The following DNMT3A variants were observed in gnomAD, a reference collection of about 807,000 sequenced individuals.
DNMT3A encodes the protein DNA methyltransferase 3 alpha.
A neutral mutation model predicts 117.6 loss-of-function variants in DNMT3A; 267 were observed. The observed-to-expected ratio is 2.27, with a 90% confidence interval of 2.05 to 2.51. The LOEUF (loss-of-function observed/expected upper bound fraction) is 2.51. DNMT3A is among the 30% of genes most tolerant of loss of function. DNMT3A has a pLI of 0.00. For missense variants in DNMT3A, 1,029 were observed against 1,260.2 expected (o/e 0.82, Z 2.78); for synonymous variants, 432 against 474.8 (o/e 0.91, Z 1.17).
chr2:25,267,870 A>C (rs1286339105), intron 6 of DNMT3A, among the ~76,000 whole-genome samples: 2 of 152,166 alleles, frequency 1.3e-5, no homozygotes, highest in East Asian at 3.8e-4. Flanking sequence ...GGCAGAAAAC[A>C]AGCTGGCGAG....
rs946038944 is a variant in DNMT3A, at chr2:25,294,273, C to T, written c.177+5866G>A. Reference sequence around the variant, plus strand: ...GGCTAGGCCCTTCCATGCAGCACTCCAGTAGCGGGCGTTGATTTCACCGCT... The same window carrying T: ...GGCTAGGCCCTTCCATGCAGCACTCTAGTAGCGGGCGTTGATTTCACCGCT... On this transcript the variant is annotated intron_variant, in intron 3 of 22. Transcript: ENST00000321117. The surrounding 1 kb of genome is among the most constrained non-coding windows in gnomAD (Gnocchi z 4.7). 6.6e-6 allele frequency among the ~76,000 whole-genome samples: 1 copy of T among 152,216 alleles called. No individual in the cohort carries two copies. Among genetic ancestry groups the T allele is most frequent in the African/African-American group, 2.4e-5 (1 of 41,450 alleles).
Position 25,237,097 on chromosome 2 carries a change from C to CACT in DNMT3A, c.2409-95_2409-93dup, listed in dbSNP as rs1205118172. The CACT allele has an allele frequency of 7.7e-7, 1 of 1,295,522 alleles. No homozygotes were observed. Among genetic ancestry groups the CACT allele is most frequent in the Non-Finnish European group, 1.1e-6 (1 of 918,076 alleles). The allele number at this position is 1,295,522 out of a possible 1,614,324, so 80.3% of individuals were successfully genotyped here. A position where few individuals can be genotyped will look rare whatever the true frequency, so the allele number is the denominator to read the frequency against. ...CGACTCCCCTCCCTCCCCCAGCAGC[C>CACT]ACTAGTTCACAGGGTAAGAGCCCCT... On this transcript the variant is annotated intron_variant, in intron 20 of 22. Coordinates refer to ENST00000321117, the MANE Select transcript of DNMT3A (RefSeq NM_022552.5). This position sits in a 1 kb window ranked among gnomAD's most constrained non-coding sequence, Gnocchi z 5.4.
intron 3 of DNMT3A, among the ~76,000 whole-genome samples, chr2:25,289,602 C>A (rs1312127027): frequency 6.6e-6 from 1 of 152,174 alleles, no homozygotes; most frequent in Admixed American, 6.5e-5. Flanking sequence ...CAGGTACAGG[C>A]GAGGCATTTG....
At position 25,234,343 on chromosome 2, in the gene DNMT3A, G is replaced by A. The variant is rs1355266109; in HGVS notation, c.2675C>T (p.Ser892Leu). 1.9e-6 allele frequency: 3 copies of A among 1,614,130 alleles called. No individual in the cohort carries two copies. The highest frequency in any genetic ancestry group is 1.3e-5 in the African/African-American group (1 of 75,060). Reference protein sequence around the residue: ...RLARQRLLGRSWSVPVIRHLF... With the variant: ...RLARQRLLGRLWSVPVIRHLF... ...GTGGCGGATGACTGGCACGCTCCAT[G>A]ACCGGCCCAGCAGTCTCTGCCTCGC... The change falls in exon 23 of 23, where the codon TCA becomes TTA. Residue 892 changes from serine (S) to leucine (L), a missense_variant. Coordinates refer to ENST00000321117, the MANE Select transcript of DNMT3A (RefSeq NM_022552.5). The surrounding 1 kb of genome is among the most constrained non-coding windows in gnomAD (Gnocchi z 4.5).
At chr2:25,312,066 G>A (rs1457588808) in intron 2 of DNMT3A, among the ~76,000 whole-genome samples, 1 of 152,156 alleles carries the variant, frequency 6.6e-6, no homozygotes, top group Non-Finnish European at 1.5e-5. Context: ...ACCAGTGACT[G>A]CCAGTGCATT....
chr2:25,283,408 T>G (rs2149380843), intron 3 of DNMT3A, among the ~76,000 whole-genome samples: 1 of 122,182 alleles, frequency 8.2e-6, no homozygotes, highest in Middle Eastern at 4.1e-3. Context: ...CATAATCCAA[T>G]AAGACCCCCC....
Position 25,244,266 on chromosome 2 carries a change from G to A in DNMT3A, c.1740C>T (p.Pro580=). ...TGTGCCCGCACATGTAGCAGTTCCAGGGGTCTTCCTTAATGGCTGCCTGGG... is the reference window on the plus strand; with the variant it reads ...TGTGCCCGCACATGTAGCAGTTCCAAGGGTCTTCCTTAATGGCTGCCTGGG... The part of the protein sequence containing the change: ...GAAQAAIKED[P]WNCYMCGHKG... The change falls in exon 15 of 23, where the codon CCC becomes CCT. Residue 580 remains proline, a synonymous_variant. Coordinates refer to ENST00000321117, the MANE Select transcript of DNMT3A (RefSeq NM_022552.5). The A allele has an allele frequency of 1.2e-6, 2 of 1,613,798 alleles. No individual in the cohort carries two copies. The highest frequency in any genetic ancestry group is 1.7e-6 in the Non-Finnish European group (2 of 1,179,908).
intron 6 of DNMT3A, among the ~76,000 whole-genome samples, chr2:25,249,966 G>C (rs1459865979): frequency 6.6e-6 from 1 of 152,228 alleles, no homozygotes; most frequent in African/African-American, 2.4e-5. Flanking sequence ...GGAGTATGAA[G>C]AAGAGCTCTA....
intron 2 of DNMT3A, among the ~76,000 whole-genome samples, chr2:25,312,988 A>G (rs1221746766): frequency 6.6e-6 from 1 of 152,204 alleles, no homozygotes; most frequent in Non-Finnish European, 1.5e-5. Flanking sequence ...GGCAGGGGGA[A>G]CTGTGGACAG....
intron 3 of DNMT3A, among the ~76,000 whole-genome samples, chr2:25,287,734 C>CA (rs397967304): frequency 1.3e-5 from 2 of 151,122 alleles, no homozygotes; most frequent in South Asian, 2.1e-4. Flanking sequence ...AGGACACCCC[C>CA]GCCCCCAACA....
intron 1 of DNMT3A, among the ~76,000 whole-genome samples, chr2:25,329,196 G>C (rs1186713814): frequency 6.6e-6 from 1 of 152,210 alleles, no homozygotes; most frequent in East Asian, 1.9e-4. Context: ...AAGAGCCCAG[G>C]GTTCTGAGCA....
chr2:25,303,289 T>C (rs146491151), intron 2 of DNMT3A, among the ~76,000 whole-genome samples: 26 of 152,314 alleles, frequency 1.7e-4, no homozygotes, highest in African/African-American at 6.0e-4. Flanking sequence ...CGCTTGACAT[T>C]TCACGATGGG....
chr2:25,248,475 C>A (rs1304486986), intron 6 of DNMT3A, among the ~76,000 whole-genome samples: 1 of 152,218 alleles, frequency 6.6e-6, no homozygotes, highest in Non-Finnish European at 1.5e-5. Flanking sequence ...TTTTAGGAAA[C>A]CTTCCTCCCA....
intron 1 of DNMT3A, among the ~76,000 whole-genome samples, chr2:25,328,142 C>A (rs1157770780): frequency 6.6e-6 from 1 of 152,220 alleles, no homozygotes; most frequent in African/African-American, 2.4e-5. Context: ...TGTGAATGTA[C>A]TAAAACCATC....
At chr2:25,320,647 G>GA (rs200109221) in intron 1 of DNMT3A, among the ~76,000 whole-genome samples, 22 of 149,004 alleles carry the variant, frequency 1.5e-4, no homozygotes, top group Non-Finnish European at 2.2e-4. Flanking sequence ...TAACTTCAGG[G>GA]AAAAAAAAAC....
intron 1 of DNMT3A, among the ~76,000 whole-genome samples, chr2:25,341,465 C>G (rs2035447378): frequency 6.9e-6 from 1 of 145,706 alleles, no homozygotes; most frequent in South Asian, 2.1e-4. Flanking sequence ...GAGCCGGGCA[C>G]CGCGGCGCAG....
chr2:25,341,299 CCTCCCCCG>C (rs2035435429), intron 1 of DNMT3A, among the ~76,000 whole-genome samples: 1 of 145,136 alleles, frequency 6.9e-6, no homozygotes, highest in Non-Finnish European at 1.5e-5. Context: ...GCCCCCGCCC[CCTCCCCCG>C]CTCCCCCGGG....
At chr2:25,270,450 G>C (rs545155016) in intron 6 of DNMT3A, among the ~76,000 whole-genome samples, 2 of 152,180 alleles carry the variant, frequency 1.3e-5, no homozygotes, top group Non-Finnish European at 2.9e-5. Context: ...TCTGGAAACC[G>C]GCTCAGTAAA....
At chr2:25,260,719 CA>C (rs1466363783) in intron 6 of DNMT3A, among the ~76,000 whole-genome samples, 3 of 152,130 alleles carry the variant, frequency 2.0e-5, no homozygotes, top group African/African-American at 7.2e-5. Flanking sequence ...CACACACACT[CA>C]CCATGCAGTT....
Sources: allele counts gnomAD v4.1 joint callset (sites outside exome capture counted in the v4.1 genomes callset), GRCh38; gene constraint gnomAD v4.1.1; non-coding constraint Gnocchi (gnomAD v3.1); transcripts MANE v1.5; gene names NCBI Gene and HGNC (gene_info 2026-07-23, HGNC 2026-07-21).